The following FOXK2 variants were observed in gnomAD, a reference collection of about 807,000 sequenced individuals.
FOXK2 encodes the protein forkhead box protein K2.
FOXK2 carries 24 observed loss-of-function variants against 53.3 expected under a neutral mutation model. That is an observed-to-expected ratio of 0.45 (90% CI 0.33 to 0.63). FOXK2 has a LOEUF of 0.63. FOXK2 is among the 30% of genes least tolerant of loss of function. The pLI is 0.03. For missense variants in FOXK2, 952 were observed against 910.5 expected, an observed-to-expected ratio of 1.05 and a Z score of -0.59; for synonymous variants, 505 against 407.1, an observed-to-expected ratio of 1.24 and a Z score of -2.89.
chr17:82,587,872 C>T lies in FOXK2; in HGVS notation c.1786+600C>T, dbSNP rs546442070. Among the ~76,000 whole-genome samples the T allele has an allele frequency of 1.3e-3, 193 of 152,238 alleles. 1 individual carries two copies. The highest frequency in any genetic ancestry group is 4.4e-3 in the African/African-American group (183 of 41,544). On this transcript the variant is annotated intron_variant, in intron 8 of 8. Transcript: ENST00000335255. ...GGGGCCTGGCTCAGGTGTGGGCTCC[C>T]GCTGCTCTGGGTTGGGTACATGTGG...
intron 1 of FOXK2, among the ~76,000 whole-genome samples, chr17:82,558,785 C>T (rs528252497): frequency 2.0e-5 from 3 of 151,876 alleles, no homozygotes; most frequent in East Asian, 1.9e-4. Flanking sequence ...AGAGCTCTGT[C>T]GCCCAGGCTG....
chr17:82,534,006 G>T (rs2044497294), intron 1 of FOXK2, among the ~76,000 whole-genome samples: 1 of 149,180 alleles, frequency 6.7e-6, no homozygotes, highest in South Asian at 2.1e-4. Flanking sequence ...GTCTCAGGTC[G>T]ATAGGTAGAT....
chr17:82,571,123 G>C (rs778848141), intron 3 of FOXK2, among the ~76,000 whole-genome samples: 1 of 152,172 alleles, frequency 6.6e-6, no homozygotes, highest in Non-Finnish European at 1.5e-5. Context: ...CTGTACCCCT[G>C]GGGTAGCTGA....
chr17:82,586,194 GTC>G lies in FOXK2; in HGVS notation c.1571_1572del (p.Val524GlufsTer98). On this transcript the variant is annotated frameshift_variant, in exon 7 of 9. Coordinates refer to ENST00000335255, the MANE Select transcript of FOXK2 (RefSeq NM_004514.4). LOFTEE classifies it high-confidence loss of function. Reference sequence around the variant, plus strand: ...CCAGGAGAATGGAGACCACAGGGAAGTCAAAGGTAGGCGGAGGGGAAAGGAGG... The same window carrying G: ...CCAGGAGAATGGAGACCACAGGGAAGAAAGGTAGGCGGAGGGGAAAGGAGG... ...EAQENGDHRE[V>X]KVKVEPIPAI... 1 of 1,585,316 alleles carries G rather than the reference GTC, an allele frequency of 6.3e-7. No individual in the cohort carries two copies. Among genetic ancestry groups the G allele is most frequent in the Non-Finnish European group, 8.6e-7 (1 of 1,169,040 alleles).
intron 4 of FOXK2, among the ~76,000 whole-genome samples, chr17:82,581,457 G>T (rs1598225908): frequency 6.8e-6 from 1 of 147,466 alleles, no homozygotes; most frequent in South Asian, 2.2e-4. Flanking sequence ...GGGCCACTGT[G>T]CCCGGATGAT....
At chr17:82,585,316 CT>C (rs35793389) in intron 6 of FOXK2, 93,055 of 147,408 alleles carry the variant, frequency 0.63, 29,119 homozygotes, top group East Asian at 0.75. Context: ...GCAGTTTCTT[CT>C]TTTTTTTTTT....
intron 1 of FOXK2, 101 bp downstream of exon 1, chr17:82,520,408 G>T (rs1302766198): frequency 9.7e-7 from 1 of 1,026,022 alleles, no homozygotes; most frequent in Admixed American, 4.4e-5. Context: ...CACGAGCGGG[G>T]GCCCGACTCT....
intron 8 of FOXK2, among the ~76,000 whole-genome samples, chr17:82,588,834 A>T (rs897805703): frequency 6.7e-6 from 1 of 149,124 alleles, no homozygotes; most frequent in African/African-American, 2.5e-5. Flanking sequence ...GTGGATCACG[A>T]GGTCAGGAGT....
intron 1 of FOXK2, among the ~76,000 whole-genome samples, chr17:82,521,913 G>C (rs2044366733): frequency 6.6e-6 from 1 of 151,222 alleles, no homozygotes; most frequent in Non-Finnish European, 1.5e-5. Flanking sequence ...TCCAGCCTGG[G>C]GGACAGAGGA....
rs1442896224 is a variant in FOXK2, at chr17:82,568,319, G to T, written c.762+118G>T. ...CAGTGACAGCCCTGCCAGGGCATCG[G>T]TGGGGATGTGGGCTTGATTCTGGTG... is the stretch of plus-strand genomic sequence containing the variant. On this transcript the variant is annotated intron_variant, in intron 3 of 8. Coordinates refer to ENST00000335255, the MANE Select transcript of FOXK2 (RefSeq NM_004514.4). The T allele has an allele frequency of 4.1e-6, 5 of 1,206,448 alleles. No individual in the cohort carries two copies. The African/African-American group carries it at 6.1e-5, about 15-fold the overall frequency. 74.7% of individuals were successfully genotyped at this position (1,206,448 alleles called of 1,614,324 possible). A position where few individuals can be genotyped will look rare whatever the true frequency, so the allele number is the denominator to read the frequency against.
chr17:82,542,456 A>AT (rs2044584256), intron 1 of FOXK2, among the ~76,000 whole-genome samples: 1 of 152,014 alleles, frequency 6.6e-6, no homozygotes, highest in Non-Finnish European at 1.5e-5. Context: ...GTGAGCCACC[A>AT]TGCCCTTCCC....
At chr17:82,590,383 G>A (rs1440066499) in intron 8 of FOXK2, among the ~76,000 whole-genome samples, 1 of 152,084 alleles carries the variant, frequency 6.6e-6, no homozygotes, top group Non-Finnish European at 1.5e-5. Context: ...CTCAAGCTCC[G>A]GGGCTCAAGC....
chr17:82,596,246 G>T, intron 8 of FOXK2: 1 of 979,108 alleles, frequency 1.0e-6, no homozygotes, highest in Non-Finnish European at 1.2e-6. Flanking sequence ...TTTCTTTCAC[G>T]TTACTAGGGC....
At chr17:82,558,213 G>T in intron 1 of FOXK2, among the ~76,000 whole-genome samples, 1 of 151,822 alleles carries the variant, frequency 6.6e-6, no homozygotes, top group Admixed American at 6.6e-5. Flanking sequence ...GGTGGCGTGT[G>T]CCTGTAGTCC....
chr17:82,520,125 C>T lies in FOXK2; in HGVS notation c.237C>T (p.His79=). ...ACTCGAGCTTCATCTCCCGGCGCCA[C>T]CTCGAGATCTTCACGCCCCCGGGCG... The part of the protein sequence containing the change: ...MGHSSFISRR[H]LEIFTPPGGG... Residue 79 remains histidine (H), a synonymous_variant, in exon 1 of 9, where the codon CAC becomes CAT. Coordinates refer to ENST00000335255, the MANE Select transcript of FOXK2 (RefSeq NM_004514.4). 6.5e-7 allele frequency: 1 copy of T among 1,532,752 alleles called. No homozygotes were observed. Among genetic ancestry groups the T allele is most frequent in the Admixed American group, 2.0e-5 (1 of 50,960 alleles). The allele number at this position is 1,532,752 out of a possible 1,614,324, so 94.9% of individuals were successfully genotyped here.
chr17:82,526,933 A>C (rs921824513), intron 1 of FOXK2, among the ~76,000 whole-genome samples: 1 of 152,152 alleles, frequency 6.6e-6, no homozygotes, highest in Non-Finnish European at 1.5e-5. Flanking sequence ...AGTGGAAAAG[A>C]AAACGAGATT....
At chr17:82,536,539 G>T (rs928830970) in intron 1 of FOXK2, among the ~76,000 whole-genome samples, 1 of 152,210 alleles carries the variant, frequency 6.6e-6, no homozygotes, top group African/African-American at 2.4e-5. Context: ...TCCTCAGCTT[G>T]TGTTTAGTTG....
At chr17:82,559,157 G>A (rs1231818771) in intron 1 of FOXK2, among the ~76,000 whole-genome samples, 2 of 152,226 alleles carry the variant, frequency 1.3e-5, no homozygotes, top group African/African-American at 4.8e-5. Context: ...GCCTCCCAAA[G>A]TGCTGGGATG....
At chr17:82,594,514 A>T (rs2045290881) in intron 8 of FOXK2, among the ~76,000 whole-genome samples, 1 of 146,834 alleles carries the variant, frequency 6.8e-6, no homozygotes, top group African/African-American at 2.6e-5. Context: ...AAAAAAAAAA[A>T]ATGCTCCAGA....
Sources: gnomAD v4.1 joint callset for allele counts (sites outside exome capture counted in the v4.1 genomes callset) on GRCh38, gnomAD v4.1.1 for gene constraint, MANE v1.5 for transcripts, NCBI Gene and HGNC (gene_info 2026-07-23, HGNC 2026-07-21) for gene names.